Variants in IFFO2 observed in about 807,000 individuals in gnomAD.
The protein encoded by IFFO2 is intermediate filament family orphan 2.
In IFFO2, 19 loss-of-function variants were observed where a neutral mutation model predicts 53.5. The ratio of observed to expected loss-of-function variants is 0.36; its 90% CI spans 0.25 to 0.52. IFFO2 has a LOEUF of 0.52. Ranked by LOEUF, IFFO2 falls within the 20% of genes least tolerant of loss-of-function variation. The pLI, the probability that IFFO2 is intolerant of heterozygous loss-of-function variation, is 0.94. For synonymous variants in IFFO2, 303 were observed against 313.6 expected, an observed-to-expected ratio of 0.97 and a Z score of 0.36; for missense variants, 570 against 727.4, an observed-to-expected ratio of 0.78 and a Z score of 2.49.
At chr1:18,925,832 ATGGATGGATGGATGGATGGATTGGT>A in intron 1 of IFFO2, among the ~76,000 whole-genome samples, 1 of 69,848 alleles carries the variant, frequency 1.4e-5, no homozygotes, top group Non-Finnish European at 2.9e-5. Context: ...GGATGGATGG[ATGGATGGATGGATGGATGGATTGGT>A]TGGATGGATG....
At chr1:18,923,338 G>C (rs770806356) in intron 1 of IFFO2, among the ~76,000 whole-genome samples, 1 of 152,224 alleles carries the variant, frequency 6.6e-6, no homozygotes, top group Admixed American at 6.5e-5. Flanking sequence ...TGAGGAAGGC[G>C]AGGCAGGGGC....
At chr1:18,910,969 C>T (rs980902105) in intron 7 of IFFO2, among the ~76,000 whole-genome samples, 4 of 152,240 alleles carry the variant, frequency 2.6e-5, no homozygotes, top group African/African-American at 4.8e-5. Flanking sequence ...GCTTCCTGGC[C>T]GCAAGGCCTT....
chr1:18,908,596 C>T lies in IFFO2; in HGVS notation c.1519G>A (p.Glu507Lys), dbSNP rs1433789075. Residue 507 changes from glutamate (E) to lysine (K), a missense_variant, in exon 9 of 9, where the codon GAG (glutamate) becomes AAG (lysine). Transcript: ENST00000455833. ...GSTDEIQDEF[E>K]READVEPMVS is the part of the protein sequence containing the mutation. ...ATGGGCTCCACATCCGCCTCGCGCT[C>T]GAACTCATCCTGGATCTCATCTGTA... 5.2e-6 allele frequency: 8 copies of T among 1,551,726 alleles called. No homozygotes were observed. Among genetic ancestry groups the T allele is most frequent in the Admixed American group, 2.0e-5 (1 of 51,004 alleles).
At position 18,924,107 on chromosome 1, in the gene IFFO2, G is replaced by A. The variant is rs562813791; in HGVS notation, c.666-2986C>T. Among the ~76,000 whole-genome samples, 285 of 152,328 alleles carry A rather than the reference G, an allele frequency of 1.9e-3. 2 individuals carry two copies. Among genetic ancestry groups the A allele is most frequent in the South Asian group, 6.8e-3 (33 of 4,834 alleles). ...GGCTTGACTGAAGAGCCTGTCGCCC[G>A]CCCTGACATCCCTCCCGGCGGTGGT... is the stretch of plus-strand genomic sequence containing the variant. On this transcript the variant is annotated intron_variant, in intron 1 of 8. Transcript: ENST00000455833.
rs534818847 is a variant in IFFO2 at position 18,937,120 on chromosome 1, C to T, written c.666-15999G>A. Among the ~76,000 whole-genome samples, 354 of 152,304 alleles carry T rather than the reference C, an allele frequency of 2.3e-3. 2 individuals carry two copies. Among genetic ancestry groups the T allele is most frequent in the African/African-American group, 8.1e-3 (337 of 41,558 alleles). On this transcript the variant is annotated intron_variant, in intron 1 of 8. Transcript: ENST00000455833. ...TGCAACTCCAGAGACTAGGAGCTGC[C>T]TGCCATGCCGCTGGTAAGGGGAGGA...
intron 1 of IFFO2, among the ~76,000 whole-genome samples, chr1:18,952,943 C>T (rs1936677561): frequency 6.6e-6 from 1 of 152,210 alleles, no homozygotes; most frequent in Non-Finnish European, 1.5e-5. Flanking sequence ...GGAGGTGGAA[C>T]TCAACAAGCG....
At chr1:18,943,220 T>TA (rs201558049) in intron 1 of IFFO2, among the ~76,000 whole-genome samples, 31 of 151,312 alleles carry the variant, frequency 2.0e-4, no homozygotes, top group East Asian at 7.8e-4. Context: ...TTATTTTTTT[T>TA]AAAAAAAAAT....
At chr1:18,930,359 C>T (rs538916168) in intron 1 of IFFO2, among the ~76,000 whole-genome samples, 14 of 152,152 alleles carry the variant, frequency 9.2e-5, no homozygotes, top group Non-Finnish European at 1.9e-4. Context: ...GGCCATCTGA[C>T]CCCAGAGCCA....
At chr1:18,932,842 C>G (rs1222863281) in intron 1 of IFFO2, among the ~76,000 whole-genome samples, 1 of 152,218 alleles carries the variant, frequency 6.6e-6, no homozygotes, top group African/African-American at 2.4e-5. Flanking sequence ...TCAAGACACA[C>G]AGGAGGACGT....
intron 1 of IFFO2, among the ~76,000 whole-genome samples, chr1:18,949,176 G>A (rs2148191244): frequency 6.6e-6 from 1 of 152,330 alleles, no homozygotes; most frequent in South Asian, 2.1e-4. Flanking sequence ...TCCTCCTGGA[G>A]GCCTACTAGC....
chr1:18,924,948 T>A (rs542839319), intron 1 of IFFO2, among the ~76,000 whole-genome samples: 2 of 152,308 alleles, frequency 1.3e-5, no homozygotes, highest in East Asian at 3.9e-4. Context: ...CTGTCCCCAC[T>A]TTACAAGTGG....
chr1:18,919,871 C>T lies in IFFO2; in HGVS notation c.727-98G>A. The T allele has an allele frequency of 3.8e-6, 3 of 795,818 alleles. No homozygotes were observed. Among genetic ancestry groups the T allele is most frequent in the Admixed American group, 4.8e-5 (2 of 42,044 alleles). The allele number at this position is 795,818 out of a possible 1,614,324, so 49.3% of individuals were successfully genotyped here. ...TCCAGAGCCCTAGGCACCCGATGTC[C>T]ACCCCAGCTGGGCACCTGCAGCCAG... On this transcript the variant is annotated intron_variant, in intron 2 of 8. Coordinates refer to ENST00000455833, the MANE Select transcript of IFFO2 (RefSeq NM_001136265.2). This position sits in a 1 kb window ranked among gnomAD's most constrained non-coding sequence, Gnocchi z 4.9.
At chr1:18,954,700 C>T (rs1936701725) in intron 1 of IFFO2, among the ~76,000 whole-genome samples, 3 of 152,212 alleles carry the variant, frequency 2.0e-5, no homozygotes. Flanking sequence ...ATCGGAAAGC[C>T]AAGCAGACAG....
chr1:18,918,370 T>A lies in IFFO2; in HGVS notation c.955A>T (p.Ile319Phe), dbSNP rs1936166624. ...AGGGCAGCCCTAGTCACCTGGAAGA[T>A]CTTGGACACGTCTTCTGAGTTCCGC... Reference protein sequence around the residue: ...QQRNSEDVSKIFQVVPKKKER... With the variant: ...QQRNSEDVSKFFQVVPKKKER... Residue 319 changes from isoleucine to phenylalanine, a missense_variant, in exon 4 of 9, where the codon ATC (isoleucine) becomes TTC (phenylalanine). Transcript: ENST00000455833. This position sits in a 1 kb window ranked among gnomAD's most constrained non-coding sequence, Gnocchi z 5.2. The A allele has an allele frequency of 6.4e-7, 1 of 1,551,512 alleles. No individual in the cohort carries two copies. Among genetic ancestry groups the A allele is most frequent in the Admixed American group, 2.0e-5 (1 of 50,980 alleles).
At chr1:18,921,180 C>T (rs34456478) in intron 1 of IFFO2, 59 bp from the exon 2 acceptor site, 3 of 1,444,286 alleles carry the variant, frequency 2.1e-6, no homozygotes, top group Middle Eastern at 1.7e-4. Flanking sequence ...CAGTCCAGCC[C>T]TCAGACACAA....
At chr1:18,950,767 A>G (rs1569868989) in intron 1 of IFFO2, among the ~76,000 whole-genome samples, 2 of 152,128 alleles carry the variant, frequency 1.3e-5, no homozygotes, top group Non-Finnish European at 2.9e-5. Context: ...CTGGGGTGTG[A>G]CGGGAATGGG....
intron 1 of IFFO2, among the ~76,000 whole-genome samples, chr1:18,927,452 C>T (rs1936320065): frequency 6.6e-6 from 1 of 152,212 alleles, no homozygotes; most frequent in Non-Finnish European, 1.5e-5. Context: ...AGGGCTGGCA[C>T]CTTCTCAGCT....
At chr1:18,953,238 C>G (rs924179859) in intron 1 of IFFO2, among the ~76,000 whole-genome samples, 2 of 152,186 alleles carry the variant, frequency 1.3e-5, no homozygotes, top group Non-Finnish European at 2.9e-5. Context: ...GCTGGGAGCT[C>G]AAACTCAGAT....
intron 1 of IFFO2, among the ~76,000 whole-genome samples, chr1:18,951,728 CA>C (rs1193007286): frequency 1.3e-5 from 2 of 152,190 alleles, no homozygotes; most frequent in African/African-American, 4.8e-5. Flanking sequence ...CCAATGAAGA[CA>C]GGGGAAACGG....
Sources: gnomAD v4.1 joint callset for allele counts (sites outside exome capture counted in the v4.1 genomes callset) on GRCh38, gnomAD v4.1.1 for gene constraint, Gnocchi (gnomAD v3.1) non-coding constraint, MANE v1.5 for transcripts, NCBI Gene and HGNC (gene_info 2026-07-23, HGNC 2026-07-21) for gene names.